The following COMMD1 variants were observed in gnomAD, a reference collection of about 807,000 sequenced individuals.
COMMD1 encodes the protein copper metabolism domain containing 1.
In COMMD1, 10 loss-of-function variants were observed where a neutral mutation model predicts 17.2. The ratio of observed to expected loss-of-function variants is 0.58; its 90% CI spans 0.36 to 0.99. COMMD1 has a LOEUF of 0.99. Among genes scored for constraint, COMMD1 ranks in the 50% least tolerant of loss-of-function variants. COMMD1 has a pLI of 0.01. For synonymous variants in COMMD1, 97 were observed against 91.6 expected, an observed-to-expected ratio of 1.06 and a Z score of -0.34; for missense variants, 270 against 231.8, an observed-to-expected ratio of 1.17 and a Z score of -1.07.
intron 2 of COMMD1, among the ~76,000 whole-genome samples, chr2:62,036,356 T>C (rs1670039613): frequency 6.6e-6 from 1 of 152,222 alleles, no homozygotes; most frequent in Non-Finnish European, 1.5e-5. Context: ...TTTTAACAAA[T>C]GAAAAGGCTT....
At chr2:61,919,054 C>T (rs993373469) in intron 1 of COMMD1, among the ~76,000 whole-genome samples, 1 of 152,054 alleles carries the variant, frequency 6.6e-6, no homozygotes, top group African/African-American at 2.4e-5. Context: ...TCTTGTTGCC[C>T]AGGCTGGAGT....
At position 62,038,160 on chromosome 2, in the gene COMMD1, C is replaced by G. The variant is rs183212740; in HGVS notation, c.462+37178C>G. ...AAAACTAGTCGGGCGTGGTGGCATG[C>G]ACCTGTAATCCCAGCTACTTGGGAG... On this transcript the variant is annotated intron_variant, in intron 2 of 2. Coordinates refer to ENST00000311832, the MANE Select transcript of COMMD1 (RefSeq NM_152516.4). 3.2e-4 allele frequency among the ~76,000 whole-genome samples: 49 copies of G among 152,174 alleles called. 1 individual carries two copies. The highest frequency in any genetic ancestry group is 1.2e-3 in the African/African-American group (49 of 41,520).
At chr2:61,939,297 CAAAA>C (rs1194444288) in intron 1 of COMMD1, among the ~76,000 whole-genome samples, 2 of 65,272 alleles carry the variant, frequency 3.1e-5, no homozygotes, top group Non-Finnish European at 3.5e-5. Context: ...ACTAAAAATA[CAAAA>C]AAAAAAAAAA....
At chr2:62,093,854 A>C (rs1033406552) in intron 2 of COMMD1, among the ~76,000 whole-genome samples, 2 of 152,196 alleles carry the variant, frequency 1.3e-5, no homozygotes, top group African/African-American at 4.8e-5. Flanking sequence ...GCTACTCCAA[A>C]AGCATATTGG....
intron 2 of COMMD1, among the ~76,000 whole-genome samples, chr2:62,096,464 G>A (rs2104010645): frequency 6.6e-6 from 1 of 152,250 alleles, no homozygotes; most frequent in East Asian, 1.9e-4. Flanking sequence ...ACTATGATTG[G>A]GATGGCCTAG....
chr2:62,064,864 G>A (rs756416519), intron 2 of COMMD1, among the ~76,000 whole-genome samples: 1 of 151,950 alleles, frequency 6.6e-6, no homozygotes, highest in Non-Finnish European at 1.5e-5. Flanking sequence ...TCAATATTTG[G>A]CATCATAAAA....
intron 2 of COMMD1, among the ~76,000 whole-genome samples, chr2:62,104,310 A>T (rs2104027257): frequency 6.6e-6 from 1 of 152,034 alleles, no homozygotes; most frequent in East Asian, 1.9e-4. Flanking sequence ...TGGGCAACAT[A>T]GTGAGACCCC....
At chr2:62,040,454 G>C (rs1670158638) in intron 2 of COMMD1, among the ~76,000 whole-genome samples, 1 of 152,026 alleles carries the variant, frequency 6.6e-6, no homozygotes, top group Non-Finnish European at 1.5e-5. Flanking sequence ...TTACTTTTCA[G>C]AGTATAGTTT....
chr2:61,899,203 C>G (rs1220810877), intron 1 of COMMD1, among the ~76,000 whole-genome samples: 1 of 152,130 alleles, frequency 6.6e-6, no homozygotes, highest in Non-Finnish European at 1.5e-5. Flanking sequence ...TTCCCCTTTT[C>G]TTCTTTAAAG....
chr2:61,922,588 T>C (rs1377499050), intron 1 of COMMD1, among the ~76,000 whole-genome samples: 4 of 152,194 alleles, frequency 2.6e-5, no homozygotes, highest in African/African-American at 9.7e-5. Context: ...AGTGCTGGGA[T>C]TACAGGTGTG....
At chr2:61,925,238 C>T (rs910671949) in intron 1 of COMMD1, among the ~76,000 whole-genome samples, 12 of 151,872 alleles carry the variant, frequency 7.9e-5, no homozygotes, top group African/African-American at 2.9e-4. Context: ...AGTCTGTCTG[C>T]TTCCTGGGTT....
intron 1 of COMMD1, among the ~76,000 whole-genome samples, chr2:61,987,089 A>G (rs1490480503): frequency 1.3e-5 from 2 of 151,938 alleles, no homozygotes; most frequent in Non-Finnish European, 2.9e-5. Flanking sequence ...TTCCTTCTCT[A>G]TGTTCTCTTG....
chr2:62,031,713 G>A (rs1158149686), intron 2 of COMMD1, among the ~76,000 whole-genome samples: 2 of 152,072 alleles, frequency 1.3e-5, no homozygotes, highest in Non-Finnish European at 2.9e-5. Flanking sequence ...ATTTCATTTT[G>A]AAGACCTTTG....
At chr2:62,094,502 A>G (rs1671945691) in intron 2 of COMMD1, among the ~76,000 whole-genome samples, 1 of 152,244 alleles carries the variant, frequency 6.6e-6, no homozygotes, top group Non-Finnish European at 1.5e-5. Context: ...TGTTTTACAA[A>G]AGGAAATTTA....
intron 2 of COMMD1, among the ~76,000 whole-genome samples, chr2:62,063,191 T>C (rs1384018971): frequency 6.6e-6 from 1 of 152,092 alleles, no homozygotes; most frequent in Non-Finnish European, 1.5e-5. Flanking sequence ...CACTCCAGCC[T>C]GGTGACACAG....
chr2:62,135,245 GGATCCAATGA>G (rs1248752245), intron 2 of COMMD1, among the ~76,000 whole-genome samples: 1 of 152,116 alleles, frequency 6.6e-6, no homozygotes, highest in Non-Finnish European at 1.5e-5. Context: ...AATTATTAGA[GGATCCAATGA>G]GATGACAAAG....
At chr2:61,968,273 T>TC (rs1259856671) in intron 1 of COMMD1, among the ~76,000 whole-genome samples, 2 of 152,086 alleles carry the variant, frequency 1.3e-5, no homozygotes, top group Non-Finnish European at 2.9e-5. Context: ...TACTTGTGAG[T>TC]CCAAAACAGT....
At chr2:62,080,785 ATTT>A (rs55825411) in intron 2 of COMMD1, among the ~76,000 whole-genome samples, 16 of 143,556 alleles carry the variant, frequency 1.1e-4, no homozygotes, top group Admixed American at 2.1e-4. Context: ...GATAGTTGGA[ATTT>A]TTTTTTTTTT....
chr2:62,048,241 G>C (rs1670437327), intron 2 of COMMD1, among the ~76,000 whole-genome samples: 1 of 146,526 alleles, frequency 6.8e-6, no homozygotes. Flanking sequence ...GGAGTGCAGT[G>C]GCGCGATCTC....
Sources: gnomAD v4.1 joint callset for allele counts (sites outside exome capture counted in the v4.1 genomes callset) on GRCh38, gnomAD v4.1.1 for gene constraint, MANE v1.5 for transcripts, NCBI Gene and HGNC (gene_info 2026-07-23, HGNC 2026-07-21) for gene names.